The following RORA variants were observed in gnomAD, a reference collection of about 807,000 sequenced individuals.
The protein encoded by RORA is RAR related orphan receptor A.
RORA carries 7 observed loss-of-function variants against 69.5 expected under a neutral mutation model. The observed-to-expected ratio is 0.10, with a 90% CI of 0.06 to 0.19. The LOEUF (loss-of-function observed/expected upper bound fraction) is 0.19. Ranked by LOEUF, RORA falls within the 10% of genes least tolerant of loss-of-function variation. The probability of loss-of-function intolerance (pLI) is 1.00; values close to 1 mark genes in which losing one functional copy is unlikely to be tolerated. For synonymous variants in RORA, 261 were observed against 240.8 expected (o/e 1.08, Z -0.78); for missense variants, 457 against 663.0 (o/e 0.69, Z 3.41).
chr15:60,498,069 T>A lies in RORA; in HGVS notation c.1408-450A>T, dbSNP rs73420039. ...GCAAGACTCTGTCTCTTAAAAAAAATAAATAAATAAATGATGATATAGTCA... is the reference window on the plus strand; with the variant it reads ...GCAAGACTCTGTCTCTTAAAAAAAAAAAATAAATAAATGATGATATAGTCA... On this transcript the variant is annotated intron_variant, in intron 10 of 10. Transcript: ENST00000335670. Among the ~76,000 whole-genome samples, 635 of 151,940 alleles carry A rather than the reference T, an allele frequency of 4.2e-3. 3 individuals carry two copies. Among genetic ancestry groups the A allele is most frequent in the African/African-American group, 0.013 (556 of 41,404 alleles).
rs1026897285 is a variant in RORA, at chr15:60,905,668, T to G, written c.167-226982A>C. 3.9e-5 allele frequency among the ~76,000 whole-genome samples: 6 copies of G among 152,174 alleles called. No individual in the cohort carries two copies. Among genetic ancestry groups the G allele is most frequent in the African/African-American group, 7.2e-5 (3 of 41,446 alleles). ...TCAAGAGCGTCTGTATCTGCCCCGG[T>G]TCTGTCAGGAAAATTAAACAGAGCA... On this transcript the variant is annotated intron_variant, in intron 1 of 10. Transcript: ENST00000335670. This position sits in a 1 kb window ranked among gnomAD's most constrained non-coding sequence, Gnocchi z 4.8.
intron 3 of RORA, among the ~76,000 whole-genome samples, chr15:60,525,654 G>A (rs112415934): frequency 7.9e-5 from 12 of 152,274 alleles, no homozygotes; most frequent in South Asian, 4.1e-4. Flanking sequence ...GTGAATGCTC[G>A]TATGCCTGCC....
intron 4 of RORA, among the ~76,000 whole-genome samples, chr15:60,512,249 C>G (rs2141324696): frequency 6.6e-6 from 1 of 152,128 alleles, no homozygotes; most frequent in South Asian, 2.1e-4. Context: ...CATGGCAGCC[C>G]CTGTGGAACC....
At chr15:61,058,916 G>A (rs1422112540) in intron 1 of RORA, among the ~76,000 whole-genome samples, 1 of 152,194 alleles carries the variant, frequency 6.6e-6, no homozygotes, top group Non-Finnish European at 1.5e-5. Flanking sequence ...TCATTTTGGA[G>A]GAAGATGAGG....
intron 1 of RORA, among the ~76,000 whole-genome samples, chr15:60,907,033 G>C (rs1369533125): frequency 1.3e-5 from 2 of 152,162 alleles, no homozygotes; most frequent in African/African-American, 4.8e-5. Flanking sequence ...GGGAGCACCA[G>C]GGTTTGAACC....
At chr15:60,592,280 C>G (rs2068546369) in intron 2 of RORA, 3 of 770,440 alleles carry the variant, frequency 3.9e-6, no homozygotes, top group South Asian at 9.1e-5. Flanking sequence ...GAGCCCCGGG[C>G]AGTACGTGCG....
At chr15:61,083,919 C>T (rs528864965) in intron 1 of RORA, among the ~76,000 whole-genome samples, 100 of 152,114 alleles carry the variant, frequency 6.6e-4, no homozygotes, top group Non-Finnish European at 1.2e-3. Context: ...GAAGAAAGCA[C>T]AAACAAACCC....
At chr15:60,830,168 A>T (rs1268505822) in intron 1 of RORA, among the ~76,000 whole-genome samples, 4 of 152,234 alleles carry the variant, frequency 2.6e-5, no homozygotes, top group Admixed American at 6.5e-5. Flanking sequence ...TATTCTTTTT[A>T]AAAATAAAAA....
chr15:61,098,253 CT>C (rs1422689186), intron 1 of RORA, among the ~76,000 whole-genome samples: 43 of 147,854 alleles, frequency 2.9e-4, no homozygotes, highest in African/African-American at 5.5e-4. Flanking sequence ...TCCCTCCCCC[CT>C]TTTTTTCTCC....
At chr15:60,763,725 C>T (rs1405544610) in intron 1 of RORA, among the ~76,000 whole-genome samples, 2 of 152,182 alleles carry the variant, frequency 1.3e-5, no homozygotes, top group African/African-American at 4.8e-5. Flanking sequence ...CGCTGACTGG[C>T]CCATTCAGGA....
intron 1 of RORA, among the ~76,000 whole-genome samples, chr15:60,713,228 C>T (rs1430385315): frequency 3.9e-5 from 6 of 152,100 alleles, no homozygotes; most frequent in Admixed American, 6.5e-5. Flanking sequence ...GTAGGGTGTC[C>T]GGCTAACCTG....
chr15:60,831,951 G>A (rs537826558), intron 1 of RORA, among the ~76,000 whole-genome samples: 36 of 152,294 alleles, frequency 2.4e-4, no homozygotes, highest in African/African-American at 8.4e-4. Flanking sequence ...GGTACACAAA[G>A]CCTACAACCT....
chr15:60,675,690 C>T (rs1423859903), intron 2 of RORA, among the ~76,000 whole-genome samples: 1 of 152,114 alleles, frequency 6.6e-6, no homozygotes, highest in African/African-American at 2.4e-5. Context: ...CTCAAGTCAC[C>T]CAAAACATTT....
chr15:60,561,231 G>A lies in RORA; in HGVS notation c.197-29380C>T, dbSNP rs1474456875. 3.3e-5 allele frequency among the ~76,000 whole-genome samples: 5 copies of A among 151,490 alleles called. No homozygotes were observed. The South Asian group carries it at 8.3e-4, about 25-fold the overall frequency. On this transcript the variant is annotated intron_variant, in intron 2 of 10. Transcript: ENST00000335670. Reference sequence around the variant, plus strand: ...CGAGTAGCTGGGACTACAGGCGCCCGCTACCACGCCCGGCTAATTTTTTGT... The same window carrying A: ...CGAGTAGCTGGGACTACAGGCGCCCACTACCACGCCCGGCTAATTTTTTGT...
intron 1 of RORA, among the ~76,000 whole-genome samples, chr15:61,019,598 A>C (rs1895432149): frequency 6.6e-6 from 1 of 152,140 alleles, no homozygotes; most frequent in African/African-American, 2.4e-5. Context: ...GGGCTGGAAA[A>C]GTTAGTGAAG....
At chr15:60,839,060 A>AT (rs1246451057) in intron 1 of RORA, among the ~76,000 whole-genome samples, 2 of 150,784 alleles carry the variant, frequency 1.3e-5, no homozygotes, top group East Asian at 1.9e-4. Context: ...ACCTGGCTAA[A>AT]TTTTTTTTTG....
chr15:61,196,872 C>G (rs1485147842), intron 1 of RORA, among the ~76,000 whole-genome samples: 1 of 152,304 alleles, frequency 6.6e-6, no homozygotes, highest in East Asian at 1.9e-4. Context: ...CTTTGAGCAC[C>G]GTGTTTGGAT....
At chr15:60,677,895 A>C (rs932445356) in intron 2 of RORA, among the ~76,000 whole-genome samples, 1 of 152,240 alleles carries the variant, frequency 6.6e-6, no homozygotes, top group African/African-American at 2.4e-5. Flanking sequence ...GACACCATTA[A>C]TTCAAAGCCT....
intron 1 of RORA, among the ~76,000 whole-genome samples, chr15:60,682,696 G>A (rs980268249): frequency 6.6e-6 from 1 of 152,198 alleles, no homozygotes; most frequent in Non-Finnish European, 1.5e-5. Context: ...ATCAGCACAG[G>A]CAAGGACTTT....
Sources: allele counts gnomAD v4.1 joint callset (sites outside exome capture counted in the v4.1 genomes callset), GRCh38; gene constraint gnomAD v4.1.1; non-coding constraint Gnocchi (gnomAD v3.1); transcripts MANE v1.5; gene names NCBI Gene and HGNC (gene_info 2026-07-23, HGNC 2026-07-21).